The following DDB2 variants were observed in gnomAD, a reference collection of about 807,000 sequenced individuals.
DDB2 encodes DNA damage-binding protein 2.
In DDB2, 27 loss-of-function variants were observed where a neutral mutation model predicts 50.5. The observed-to-expected ratio is 0.53, with a 90% CI of 0.39 to 0.74. The LOEUF (loss-of-function observed/expected upper bound fraction) is 0.74. DDB2 is among the 30% of genes least tolerant of loss of function. The probability of loss-of-function intolerance (pLI) is 0.00; values close to 1 mark genes in which losing one functional copy is unlikely to be tolerated. For synonymous variants in DDB2, 176 were observed against 205.5 expected (o/e 0.86, Z 1.23); for missense variants, 424 against 545.6 (o/e 0.78, Z 2.22).
intron 3 of DDB2, among the ~76,000 whole-genome samples, chr11:47,228,451 G>A (rs1953591650): frequency 1.3e-5 from 2 of 151,880 alleles, no homozygotes; most frequent in African/African-American, 2.4e-5. Context: ...GACCAGCCTG[G>A]CCAACATGGC....
At chr11:47,233,297 A>G (rs887837760) in intron 4 of DDB2, 2 of 397,116 alleles carry the variant, frequency 5.0e-6, no homozygotes, top group African/African-American at 4.1e-5. Context: ...TTGAGACTGA[A>G]TGCCCTGCAC....
chr11:47,231,146 A>G (rs1046019105), intron 3 of DDB2, among the ~76,000 whole-genome samples: 5 of 137,490 alleles, frequency 3.6e-5, no homozygotes, highest in African/African-American at 1.4e-4. Context: ...AAAAAAAAAC[A>G]CACAAAGAAA....
At position 47,235,304 on chromosome 11, in the gene DDB2, C is replaced by A; in HGVS notation, c.915C>A (p.Thr305=). The A allele has an allele frequency of 1.2e-6, 2 of 1,614,218 alleles. No individual in the cohort carries two copies. Among genetic ancestry groups the A allele is most frequent in the South Asian group, 2.2e-5 (2 of 91,084 alleles). The stretch of plus-strand genomic sequence containing the variant: ...GTCCCGATGGAGCCCGGCTCCTGAC[C>A]ACGGACCAGAAGAGCGAGATCCGAG... ...CFSPDGARLL[T]TDQKSEIRVY... The change falls in exon 7 of 10, where the codon ACC becomes ACA. Residue 305 remains threonine, a synonymous_variant. Coordinates refer to ENST00000256996, the MANE Select transcript of DDB2 (RefSeq NM_000107.3).
rs546388054 is a variant in DDB2, at chr11:47,230,785, G to A, written c.457-2029G>A. On this transcript the variant is annotated intron_variant, in intron 3 of 9. Transcript: ENST00000256996. ...AGAAGTGGAAAAGGTGGAGAAAGGC[G>A]GACAAGTGGAGAACTTTACATCTTG... Among the ~76,000 whole-genome samples the A allele has an allele frequency of 5.3e-5, 8 of 152,238 alleles. No individual in the cohort carries two copies. In the South Asian group the frequency reaches 6.2e-4, roughly 12 times the overall value.
intron 7 of DDB2, chr11:47,237,476 G>T: frequency 3.4e-6 from 1 of 290,694 alleles, no homozygotes; most frequent in Non-Finnish European, 6.7e-6. Flanking sequence ...TGTCACCTAG[G>T]CTGGAGTGCA....
At chr11:47,234,458 C>A in intron 4 of DDB2, 115 bp from the exon 5 acceptor site, 1 of 833,526 alleles carries the variant, frequency 1.2e-6, no homozygotes, top group Non-Finnish European at 2.1e-6. Flanking sequence ...GTTATTCATT[C>A]ATTCAACAAA....
At chr11:47,235,019 C>A in intron 6 of DDB2, 85 bp downstream of exon 6, 1 of 1,494,630 alleles carries the variant, frequency 6.7e-7, no homozygotes, top group Non-Finnish European at 9.3e-7. Context: ...GAAGCCACTA[C>A]GTCAAACCTT....
At chr11:47,235,620 TGATAA>T (rs1667526597) in intron 7 of DDB2, 5 of 607,646 alleles carry the variant, frequency 8.2e-6, no homozygotes, top group South Asian at 1.9e-5. Flanking sequence ...TCTGTCTCGC[TGATAA>T]GATATTTTTC....
At chr11:47,229,622 T>G (rs1953613805) in intron 3 of DDB2, among the ~76,000 whole-genome samples, 1 of 152,120 alleles carries the variant, frequency 6.6e-6, no homozygotes, top group Non-Finnish European at 1.5e-5. Context: ...AAGAAGGGAA[T>G]TATAAACATG....
chr11:47,214,986 C>A lies in DDB2; in HGVS notation c.-151C>A. On this transcript the variant is annotated 5_prime_UTR_variant, in exon 1 of 10. Transcript: ENST00000256996. ...GGAGCTCCAAGCTGGTTTGAACAAGCCCTGGGCATGTTTGGCGGGAAGTTG... is the reference window on the plus strand; with the variant it reads ...GGAGCTCCAAGCTGGTTTGAACAAGACCTGGGCATGTTTGGCGGGAAGTTG... 8.5e-7 allele frequency: 1 copy of A among 1,174,944 alleles called. No homozygotes were observed. The highest frequency in any genetic ancestry group is 1.3e-6 in the Non-Finnish European group (1 of 797,002). 72.8% of individuals were successfully genotyped at this position (1,174,944 alleles called of 1,614,324 possible).
intron 4 of DDB2, 37 bp downstream of exon 4, chr11:47,232,996 G>A (rs368460981): frequency 1.9e-6 from 3 of 1,612,730 alleles, no homozygotes; most frequent in Non-Finnish European, 2.5e-6. Context: ...GGGCTTCTAA[G>A]CTTAGGTGTA....
Position 47,215,449 on chromosome 11 carries a change from G to A in DDB2, c.127+186G>A, listed in dbSNP as rs1354295967. The A allele has an allele frequency of 5.4e-6, 4 of 736,176 alleles. No homozygotes were observed. The Admixed American group carries it at 6.7e-5, about 12-fold the overall frequency. 45.6% of individuals were successfully genotyped at this position (736,176 alleles called of 1,614,324 possible). Reference sequence around the variant, plus strand: ...TAGGTTTCAACACCTCTCCCGCTAGGTAACAGGAAGCAGATGAGCTCCGTA... The same window carrying A: ...TAGGTTTCAACACCTCTCCCGCTAGATAACAGGAAGCAGATGAGCTCCGTA... On this transcript the variant is annotated intron_variant, in intron 1 of 9. Coordinates refer to ENST00000256996, the MANE Select transcript of DDB2 (RefSeq NM_000107.3).
intron 3 of DDB2, chr11:47,229,818 C>CTTTTTTTTTTTTTTTTTTTTT (rs11376360): frequency 3.2e-6 from 1 of 317,060 alleles, no homozygotes; most frequent in Non-Finnish European, 5.9e-6. Context: ...GATGGCTCTT[C>CTTTTTTTTTTTTTTTTTTTTT]TTTTTTTTTT....
intron 3 of DDB2, among the ~76,000 whole-genome samples, chr11:47,218,473 A>G (rs1204857305): frequency 6.6e-6 from 1 of 152,268 alleles, no homozygotes; most frequent in African/African-American, 2.4e-5. Context: ...AGAAGACTCC[A>G]TGGATGAGCG....
At position 47,214,981 on chromosome 11, in the gene DDB2, A is replaced by G; in HGVS notation, c.-156A>G. On this transcript the variant is annotated 5_prime_UTR_variant, in exon 1 of 10. Coordinates refer to ENST00000256996, the MANE Select transcript of DDB2 (RefSeq NM_000107.3). ...GGGCCGGAGCTCCAAGCTGGTTTGA[A>G]CAAGCCCTGGGCATGTTTGGCGGGA... The G allele has an allele frequency of 1.8e-6, 2 of 1,140,628 alleles. No individual in the cohort carries two copies. Among genetic ancestry groups the G allele is most frequent in the Non-Finnish European group, 1.3e-6 (1 of 770,612 alleles). 70.7% of individuals were successfully genotyped at this position (1,140,628 alleles called of 1,614,324 possible).
intron 3 of DDB2, among the ~76,000 whole-genome samples, chr11:47,228,411 T>G (rs1041731213): frequency 6.6e-6 from 1 of 151,828 alleles, no homozygotes; most frequent in African/African-American, 2.4e-5. Flanking sequence ...GTGGCCAAGG[T>G]GGGCAGATCA....
chr11:47,235,728 C>T (rs1953716584), intron 7 of DDB2: 3 of 402,282 alleles, frequency 7.5e-6, no homozygotes, highest in African/African-American at 4.0e-5. Flanking sequence ...TACCTGTGTA[C>T]AGTTGACCCA....
At chr11:47,237,249 C>G (rs1026835899) in intron 7 of DDB2, among the ~76,000 whole-genome samples, 1 of 152,076 alleles carries the variant, frequency 6.6e-6, no homozygotes, top group Admixed American at 6.6e-5. Flanking sequence ...AAAACGTTTA[C>G]CAGTTGGTAT....
In DDB2 at chr11:47,216,938, A is replaced by C. The variant is rs1953408114; in HGVS notation, c.345A>C (p.Thr115=). 1 of 1,614,068 alleles carries C rather than the reference A, an allele frequency of 6.2e-7. No homozygotes were observed. Among genetic ancestry groups the C allele is most frequent in the Non-Finnish European group, 8.5e-7 (1 of 1,179,980 alleles). Residue 115 remains threonine, a synonymous_variant, in exon 3 of 10, where the codon ACA becomes ACC. Coordinates refer to ENST00000256996, the MANE Select transcript of DDB2 (RefSeq NM_000107.3). The part of the protein sequence containing the change: ...QKAAPFDRRA[T]SLAWHPTHPS... The stretch of plus-strand genomic sequence containing the variant: ...CTGCCCCCTTTGACAGGAGGGCTAC[A>C]TCCTTGGCGTGGCACCCAACTCACC...
Sources: allele counts gnomAD v4.1 joint callset (sites outside exome capture counted in the v4.1 genomes callset), GRCh38; gene constraint gnomAD v4.1.1; transcripts MANE v1.5; gene names NCBI Gene and HGNC (gene_info 2026-07-23, HGNC 2026-07-21).